Variants in PPARG observed in about 807,000 individuals in gnomAD.
The protein encoded by PPARG is peroxisome proliferator-activated receptor gamma.
In PPARG, 17 loss-of-function variants were observed where a neutral mutation model predicts 39.2. The observed-to-expected ratio is 0.43, with a 90% confidence interval of 0.30 to 0.65. The LOEUF (loss-of-function observed/expected upper bound fraction) is 0.65. Among genes scored for constraint, PPARG ranks in the 30% least tolerant of loss-of-function variants. The pLI is 0.13. For synonymous variants in PPARG, 223 were observed against 215.7 expected (o/e 1.03, Z -0.30); for missense variants, 406 against 585.9 (o/e 0.69, Z 3.17).
Position 12,345,785 on chromosome 3 carries a change from G to A in PPARG, c.-9+33332G>A, listed in dbSNP as rs144278523. Among the ~76,000 whole-genome samples, 59 of 152,268 alleles carry A rather than the reference G, an allele frequency of 3.9e-4. 1 individual carries two copies. Among genetic ancestry groups the A allele is most frequent in the East Asian group, 1.3e-3 (7 of 5,188 alleles). ...CAGCTGAAACTGAGTGCAGCTCCGCGGCTCTACGCTTGCTGTAGAACCTTT... is the reference window on the plus strand; with the variant it reads ...CAGCTGAAACTGAGTGCAGCTCCGCAGCTCTACGCTTGCTGTAGAACCTTT... On this transcript the variant is annotated intron_variant, in intron 2 of 7. Transcript: ENST00000651735.
intron 2 of PPARG, among the ~76,000 whole-genome samples, chr3:12,340,799 A>G (rs1350223202): frequency 6.6e-6 from 1 of 152,214 alleles, no homozygotes; most frequent in Admixed American, 6.5e-5. Flanking sequence ...TACCTGCTAA[A>G]CACTGAAAAT....
chr3:12,421,417 T>C (rs111673531), intron 7 of PPARG, among the ~76,000 whole-genome samples: 59 of 152,286 alleles, frequency 3.9e-4, no homozygotes, highest in African/African-American at 1.3e-3. Context: ...CGCAGCATCA[T>C]GCCAGCCACC....
At chr3:12,355,752 T>C (rs1575046853) in intron 2 of PPARG, among the ~76,000 whole-genome samples, 1 of 152,238 alleles carries the variant, frequency 6.6e-6, no homozygotes, top group East Asian at 1.9e-4. Flanking sequence ...TTTTTAATTT[T>C]ATTTTCCCCT....
intron 2 of PPARG, among the ~76,000 whole-genome samples, chr3:12,326,113 T>G (rs1405049309): frequency 2.6e-5 from 4 of 152,216 alleles, no homozygotes; most frequent in Non-Finnish European, 5.9e-5. Context: ...ACTTGTCTTC[T>G]GGCTAGCTAA....
intron 6 of PPARG, chr3:12,406,387 A>G (rs529390142): frequency 2.6e-6 from 1 of 389,412 alleles, no homozygotes; most frequent in South Asian, 2.3e-5. Flanking sequence ...TTTAGGATCC[A>G]TCTCCTTTCT....
At chr3:12,323,988 A>G (rs891209709) in intron 2 of PPARG, among the ~76,000 whole-genome samples, 1 of 152,158 alleles carries the variant, frequency 6.6e-6, no homozygotes, top group Non-Finnish European at 1.5e-5. Context: ...GAAGGTGGGA[A>G]TAGTGTTGGA....
intron 2 of PPARG, among the ~76,000 whole-genome samples, chr3:12,337,354 G>A (rs1371556323): frequency 1.3e-5 from 2 of 152,170 alleles, no homozygotes; most frequent in African/African-American, 4.8e-5. Context: ...GTTCTGAGTA[G>A]AACTTATGTG....
At chr3:12,381,517 A>C in intron 4 of PPARG, 26 bp downstream of exon 4, 1 of 1,606,504 alleles carries the variant, frequency 6.2e-7, no homozygotes, top group Non-Finnish European at 8.5e-7. Flanking sequence ...GTCTTCAAAG[A>C]AATTGTTGAA....
intron 1 of PPARG, among the ~76,000 whole-genome samples, chr3:12,306,850 G>A (rs989902988): frequency 5.3e-5 from 8 of 151,994 alleles, no homozygotes; most frequent in African/African-American, 1.9e-4. Flanking sequence ...TAATCCCCCA[G>A]CACTTTGGGA....
chr3:12,293,026 G>A (rs2046687574), intron 1 of PPARG, among the ~76,000 whole-genome samples: 2 of 152,228 alleles, frequency 1.3e-5, no homozygotes, highest in Admixed American at 6.5e-5. Context: ...GTGGGGAGCC[G>A]TGTTATCTTC....
intron 6 of PPARG, chr3:12,406,901 C>T (rs2050693517): frequency 2.0e-5 from 3 of 152,266 alleles, no homozygotes; most frequent in Admixed American, 2.0e-4. Flanking sequence ...ATTTTATCTT[C>T]TGCAAGGCTC....
intron 2 of PPARG, among the ~76,000 whole-genome samples, chr3:12,373,676 G>A (rs570701399): frequency 4.1e-4 from 63 of 152,030 alleles, no homozygotes; most frequent in Middle Eastern, 3.4e-3. Context: ...AAAAAAAACT[G>A]TGCATAGAAT....
intron 2 of PPARG, among the ~76,000 whole-genome samples, chr3:12,314,923 T>C (rs2047348727): frequency 6.6e-6 from 1 of 152,208 alleles, no homozygotes; most frequent in Admixed American, 6.5e-5. Context: ...TCAGGGTAAG[T>C]AGCATATCCA....
intron 2 of PPARG, among the ~76,000 whole-genome samples, chr3:12,339,086 A>G (rs986108455): frequency 6.6e-6 from 1 of 152,230 alleles, no homozygotes; most frequent in Admixed American, 6.5e-5. Context: ...ACACAGCCTA[A>G]TCTAGGCAGT....
At chr3:12,330,938 A>G (rs1221080859) in intron 2 of PPARG, among the ~76,000 whole-genome samples, 2 of 152,190 alleles carry the variant, frequency 1.3e-5, no homozygotes, top group Non-Finnish European at 2.9e-5. Flanking sequence ...ATCTGTTTTT[A>G]TATCAATAAT....
At chr3:12,386,736 A>G (rs1001785541) in intron 4 of PPARG, among the ~76,000 whole-genome samples, 1 of 152,144 alleles carries the variant, frequency 6.6e-6, no homozygotes, top group South Asian at 2.1e-4. Flanking sequence ...TATTATTCTT[A>G]TACTTTAAGT....
At chr3:12,380,976 A>G (rs970946152) in intron 3 of PPARG, among the ~76,000 whole-genome samples, 2 of 152,206 alleles carry the variant, frequency 1.3e-5, no homozygotes, top group Non-Finnish European at 1.5e-5. Context: ...TGTGATGAAT[A>G]CCAAAGACAG....
chr3:12,346,813 T>G (rs1200424953), intron 2 of PPARG, among the ~76,000 whole-genome samples: 1 of 151,846 alleles, frequency 6.6e-6, no homozygotes, highest in African/African-American at 2.4e-5. Flanking sequence ...TATTTTATTT[T>G]TTTATAGAGG....
intron 6 of PPARG, among the ~76,000 whole-genome samples, chr3:12,415,552 AAGAG>A (rs1187636560): frequency 6.6e-6 from 1 of 152,136 alleles, no homozygotes; most frequent in Admixed American, 6.5e-5. Flanking sequence ...AGGGAAGTAA[AAGAG>A]AGAGAATGTC....
Sources: allele counts gnomAD v4.1 joint callset (sites outside exome capture counted in the v4.1 genomes callset), GRCh38; gene constraint gnomAD v4.1.1; transcripts MANE v1.5; gene names NCBI Gene and HGNC (gene_info 2026-07-23, HGNC 2026-07-21).